VPS37D: variants seen among roughly 807,000 people sequenced by gnomAD.
VPS37D encodes vacuolar protein sorting-associated protein 37D.
In VPS37D, 5 loss-of-function variants were observed where a neutral mutation model predicts 22.0. That is an observed-to-expected ratio of 0.23 (90% CI 0.12 to 0.48). The LOEUF is 0.48. Among genes scored for constraint, VPS37D ranks in the 20% least tolerant of loss-of-function variants. The pLI is 0.99. For missense variants in VPS37D, 384 were observed against 345.8 expected, an observed-to-expected ratio of 1.11 and a Z score of -0.88; for synonymous variants, 174 against 159.3, an observed-to-expected ratio of 1.09 and a Z score of -0.69.
In VPS37D at chr7:73,670,056, T is replaced by C; in HGVS notation, c.347T>C (p.Leu116Pro). The change falls in exon 3 of 4, where the codon CTG (leucine) becomes CCG (proline). Residue 116 changes from leucine (L) to proline (P), a missense_variant. Transcript: ENST00000324941. Reference protein sequence around the residue: ...SMHRWSPHCALGWLQAELEEA... With the variant: ...SMHRWSPHCAPGWLQAELEEA... ...CATCGCTGGAGTCCCCACTGCGCGC[T>C]GGGCTGGCTGCAGGCTGAGCTAGAA... 1.5e-6 allele frequency: 2 copies of C among 1,344,618 alleles called. No individual in the cohort carries two copies. Among genetic ancestry groups the C allele is most frequent in the Non-Finnish European group, 2.0e-6 (2 of 1,019,152 alleles). The allele number at this position is 1,344,618 out of a possible 1,614,324, so 83.3% of individuals were successfully genotyped here.
chr7:73,671,366 C>A lies in VPS37D; in HGVS notation c.746C>A (p.Pro249His). ...CCTCGGCCCTCGCAGCCAGAGCCCC[C>A]CCACCGGTAGGATCCACGGTGCGGC... ...LSPRPSQPEP[P>H]HR The change falls in exon 4 of 4, where the codon CCC becomes CAC. Residue 249 changes from proline to histidine, a missense_variant. Transcript: ENST00000324941. The A allele has an allele frequency of 7.3e-7, 1 of 1,376,270 alleles. No individual in the cohort carries two copies. The highest frequency in any genetic ancestry group is 9.4e-7 in the Non-Finnish European group (1 of 1,067,810). The allele number at this position is 1,376,270 out of a possible 1,614,324, so 85.3% of individuals were successfully genotyped here.
Position 73,669,596 on chromosome 7 carries a change from G to A in VPS37D, c.310+6G>A, listed in dbSNP as rs782490951. 1.9e-6 allele frequency: 3 copies of A among 1,583,876 alleles called. No homozygotes were observed. The highest frequency in any genetic ancestry group is 2.6e-6 in the Non-Finnish European group (3 of 1,164,422). The stretch of plus-strand genomic sequence containing the variant: ...GGACAAGCTGCAGCGACTGGGTGAG[G>A]GCACGTCTGGGAGAACCCCCTGGGG... On this transcript the variant is annotated splice_donor_region_variant and intron_variant, in intron 2 of 3. Coordinates refer to ENST00000324941, the MANE Select transcript of VPS37D (RefSeq NM_001077621.2).
In VPS37D at chr7:73,668,101, C is replaced by A; in HGVS notation, c.138+5C>A. ...ATCGTGCGGCTCAGCAGGAAGGTAG[C>A]GCGGGGGGCTCGAGCGGGGGGCGCG... On this transcript the variant is annotated splice_donor_5th_base_variant and intron_variant, in intron 1 of 3. Coordinates refer to ENST00000324941, the MANE Select transcript of VPS37D (RefSeq NM_001077621.2). 1 of 1,090,512 alleles carries A rather than the reference C, an allele frequency of 9.2e-7. No homozygotes were observed. Among genetic ancestry groups the A allele is most frequent in the Non-Finnish European group, 1.1e-6 (1 of 890,114 alleles). The allele number at this position is 1,090,512 out of a possible 1,614,324, so 67.6% of individuals were successfully genotyped here. A position where few individuals can be genotyped will look rare whatever the true frequency, so the allele number is the denominator to read the frequency against.
At chr7:73,665,552 A>T (rs73702562), upstream of VPS37D, among the ~76,000 whole-genome samples, 7,889 of 152,098 alleles carry the variant, frequency 0.052, 251 homozygotes, top group African/African-American at 0.095. Context: ...AACTGTTTTT[A>T]AAAAAAAGTA....
At position 73,671,445 on chromosome 7, in the gene VPS37D, A is replaced by C; in HGVS notation, c.*69A>C. On this transcript the variant is annotated 3_prime_UTR_variant, in exon 4 of 4. Transcript: ENST00000324941. ...GATGCGTGGCTCCTCCTCCTCCCCC[A>C]CTGCCTGGGTGGGGGGAGGGGCAGG... The C allele has an allele frequency of 5.4e-4, 378 of 695,652 alleles. No homozygotes were observed. Among genetic ancestry groups the C allele is most frequent in the Middle Eastern group, 1.4e-3 (3 of 2,092 alleles). 43.1% of individuals were successfully genotyped at this position (695,652 alleles called of 1,614,324 possible).
chr7:73,665,680 C>T (rs962395263), upstream of VPS37D, among the ~76,000 whole-genome samples: 3 of 152,204 alleles, frequency 2.0e-5, no homozygotes, highest in African/African-American at 4.8e-5. Flanking sequence ...CAGCTCTTCC[C>T]GCCCCTATGC....
chr7:73,668,046 C>G lies in VPS37D; in HGVS notation c.88C>G (p.Leu30Val). Residue 30 changes from leucine (L) to valine (V), a missense_variant, in exon 1 of 4, where the codon CTG (leucine) becomes GTG (valine). Physicochemically the swap from Leu to Val is conservative, Grantham distance 32 (BLOSUM62 1). Coordinates refer to ENST00000324941, the MANE Select transcript of VPS37D (RefSeq NM_001077621.2). Reference protein sequence around the residue: ...GILSTGQLRDLLQDEPKLDRI... With the variant: ...GILSTGQLRDVLQDEPKLDRI... ...CCTCAGCACCGGGCAGCTCCGGGAC[C>G]TGCTTCAGGATGAGCCCAAGCTGGA... The G allele has an allele frequency of 8.5e-7, 1 of 1,169,996 alleles. No homozygotes were observed. Among genetic ancestry groups the G allele is most frequent in the Non-Finnish European group, 1.1e-6 (1 of 936,660 alleles). The allele number at this position is 1,169,996 out of a possible 1,614,324, so 72.5% of individuals were successfully genotyped here.
chr7:73,666,973 C>CTTTT (rs71082248), upstream of VPS37D, among the ~76,000 whole-genome samples: 18 of 130,002 alleles, frequency 1.4e-4, no homozygotes, highest in Non-Finnish European at 2.4e-4. Context: ...TCTTTTCACT[C>CTTTT]TTTTTTTTTT....
At chr7:73,668,818 A>G (rs1797440201) in intron 1 of VPS37D, among the ~76,000 whole-genome samples, 1 of 151,400 alleles carries the variant, frequency 6.6e-6, no homozygotes, top group South Asian at 2.1e-4. Flanking sequence ...CGGAGCAGGG[A>G]GGAAAAGGGG....
upstream of VPS37D, among the ~76,000 whole-genome samples, chr7:73,667,139 AT>A (rs1282063563): frequency 6.7e-6 from 1 of 150,248 alleles, no homozygotes; most frequent in East Asian, 2.0e-4. Context: ...CGCCCGGCTA[AT>A]TTTTTTTGTA....
Position 73,669,462 on chromosome 7 carries a change from A to G in VPS37D, c.182A>G (p.Asn61Ser). The part of the protein sequence containing the change: ...QLEREACLAS[N>S]YALAKENLAL... ...GAGCGTGAGGCCTGCCTGGCCTCCA[A>G]CTACGCGCTGGCCAAGGAGAACCTG... Residue 61 changes from asparagine to serine, a missense_variant, in exon 2 of 4, where the codon AAC (asparagine) becomes AGC (serine). Coordinates refer to ENST00000324941, the MANE Select transcript of VPS37D (RefSeq NM_001077621.2). 1 of 1,579,348 alleles carries G rather than the reference A, an allele frequency of 6.3e-7. No homozygotes were observed. Among genetic ancestry groups the G allele is most frequent in the Middle Eastern group, 1.9e-4 (1 of 5,226 alleles).
At chr7:73,670,158 C>T in intron 3 of VPS37D, 56 bp downstream of exon 3, 1 of 1,548,270 alleles carries the variant, frequency 6.5e-7, no homozygotes, top group Non-Finnish European at 8.7e-7. Flanking sequence ...TTCTCTGCCA[C>T]CCCCTGGCTC....
At chr7:73,669,942 G>T in intron 2 of VPS37D, 78 bp from the exon 3 acceptor site, 1 of 1,547,118 alleles carries the variant, frequency 6.5e-7, no homozygotes, top group South Asian at 1.2e-5. Flanking sequence ...GGGAAATATA[G>T]AATCACATGG....
rs1195716547 is a variant in VPS37D, at chr7:73,671,390, G to GC, written c.*20dup. ...CCCCACCGGTAGGATCCACGGTGCGGCCCCCCAGTTGGGGGGCCTAGACAA... is the reference window on the plus strand; with the variant it reads ...CCCCACCGGTAGGATCCACGGTGCGGCCCCCCCAGTTGGGGGGCCTAGACAA... On this transcript the variant is annotated 3_prime_UTR_variant, in exon 4 of 4. Transcript: ENST00000324941. 24 of 1,359,292 alleles carry GC rather than the reference G, an allele frequency of 1.8e-5. No individual in the cohort carries two copies. In the Admixed American group the frequency reaches 4.3e-4, roughly 25 times the overall value. The allele number at this position is 1,359,292 out of a possible 1,614,324, so 84.2% of individuals were successfully genotyped here.
At position 73,669,559 on chromosome 7, in the gene VPS37D, C is replaced by A. The variant is rs61743139; in HGVS notation, c.279C>A (p.Ala93=). Reference sequence around the variant, plus strand: ...AATACCAGGAGCTTCGTGAGGTGGCCGAGAACTGCGCGGACAAGCTGCAGC... The same window carrying A: ...AATACCAGGAGCTTCGTGAGGTGGCAGAGAACTGCGCGGACAAGCTGCAGC... ...AIKYQELREV[A]ENCADKLQRL... Residue 93 remains alanine, a synonymous_variant, in exon 2 of 4, where the codon GCC becomes GCA. Transcript: ENST00000324941. 1 of 1,592,406 alleles carries A rather than the reference C, an allele frequency of 6.3e-7. No individual in the cohort carries two copies.
rs782447784 is a variant in VPS37D, at chr7:73,671,002, C to T, written c.394-12C>T. The T allele has an allele frequency of 4.3e-6, 7 of 1,610,212 alleles. No homozygotes were observed. Among genetic ancestry groups the T allele is most frequent in the Admixed American group, 1.7e-5 (1 of 59,852 alleles). The stretch of plus-strand genomic sequence containing the variant: ...GTGCCTCTCCCAAGCCTTCCCTTCC[C>T]TCCCGGCCCAGGAGCAGATGGAGCA... On this transcript the variant is annotated splice_polypyrimidine_tract_variant and intron_variant, in intron 3 of 3. Coordinates refer to ENST00000324941, the MANE Select transcript of VPS37D (RefSeq NM_001077621.2).
upstream of VPS37D, among the ~76,000 whole-genome samples, chr7:73,665,906 A>G (rs1797363487): frequency 6.6e-6 from 1 of 152,130 alleles, no homozygotes; most frequent in Non-Finnish European, 1.5e-5. Context: ...GCTGGAGTAC[A>G]GTGGCAAAAT....
chr7:73,667,512 C>G (rs544901837), upstream of VPS37D, among the ~76,000 whole-genome samples: 1,492 of 152,268 alleles, frequency 9.8e-3, 13 homozygotes, highest in Non-Finnish European at 0.015. Context: ...GGCAGGAGCC[C>G]TCGGCGCCCG....
rs982290691 is a variant in VPS37D at position 73,670,108 on chromosome 7, G to A, written c.393+6G>A. 1 of 1,550,784 alleles carries A rather than the reference G, an allele frequency of 6.4e-7. No individual in the cohort carries two copies. The highest frequency in any genetic ancestry group is 1.4e-5 in the African/African-American group (1 of 73,006). On this transcript the variant is annotated splice_donor_region_variant and intron_variant, in intron 3 of 3. Transcript: ENST00000324941. ...AGGCGGAGCAGGAGGCAGAGGTGAG[G>A]GGAGGGGTGGCTGGGGCTGGGGGCC... is the stretch of plus-strand genomic sequence containing the variant.
Sources: gnomAD v4.1 joint callset for allele counts (sites outside exome capture counted in the v4.1 genomes callset) on GRCh38, gnomAD v4.1.1 for gene constraint, MANE v1.5 for transcripts, NCBI Gene and HGNC (gene_info 2026-07-23, HGNC 2026-07-21) for gene names.